The following PDE4D variants were observed in gnomAD, a reference collection of about 807,000 sequenced individuals.
PDE4D encodes the protein phosphodiesterase 4D.
PDE4D carries 24 observed loss-of-function variants against 87.4 expected under a neutral mutation model. That is an observed-to-expected ratio of 0.27 (90% CI 0.20 to 0.39). The LOEUF (loss-of-function observed/expected upper bound fraction) is 0.39, where lower values mean the gene tolerates loss of function less well. Among genes scored for constraint, PDE4D ranks in the 10% least tolerant of loss-of-function variants. The pLI is 1.00. For synonymous variants in PDE4D, 384 were observed against 383.2 expected (o/e 1.00, Z -0.02); for missense variants, 714 against 1,041.0 (o/e 0.69, Z 4.32).
chr5:59,955,098 A>G (rs1691925040), intron 3 of PDE4D, among the ~76,000 whole-genome samples: 1 of 152,202 alleles, frequency 6.6e-6, no homozygotes, highest in South Asian at 2.1e-4. Context: ...AAAGTAATCA[A>G]TGCAAGTATT....
At chr5:59,561,194 C>G (rs376371813) in intron 1 of PDE4D, among the ~76,000 whole-genome samples, 2 of 152,130 alleles carry the variant, frequency 1.3e-5, no homozygotes, top group African/African-American at 4.8e-5. Flanking sequence ...AAGGTAGACA[C>G]CTGTGGTTTA....
At chr5:59,278,660 TCAC>T (rs754308294) in intron 1 of PDE4D, among the ~76,000 whole-genome samples, 2 of 152,090 alleles carry the variant, frequency 1.3e-5, no homozygotes, top group African/African-American at 4.8e-5. Flanking sequence ...CTTAATTGAC[TCAC>T]TTTTTAAAAA....
intron 1 of PDE4D, among the ~76,000 whole-genome samples, chr5:59,710,397 T>C (rs934056255): frequency 1.3e-5 from 2 of 152,158 alleles, no homozygotes; most frequent in East Asian, 1.9e-4. Flanking sequence ...TTATCCAAAA[T>C]GTAATGTGGG....
At chr5:59,881,496 G>A (rs1395186084) in intron 1 of PDE4D, among the ~76,000 whole-genome samples, 1 of 151,998 alleles carries the variant, frequency 6.6e-6, no homozygotes, top group Non-Finnish European at 1.5e-5. Context: ...GTAAACTGAA[G>A]TGTCTTTTAC....
chr5:59,841,469 C>T (rs1288677239), intron 1 of PDE4D, among the ~76,000 whole-genome samples: 1 of 152,018 alleles, frequency 6.6e-6, no homozygotes, highest in Non-Finnish European at 1.5e-5. Context: ...TTTATATTTC[C>T]TAATGCTCAG....
At chr5:60,513,421 A>G (rs1402002776) in intron 1 of PDE4D, among the ~76,000 whole-genome samples, 1 of 152,164 alleles carries the variant, frequency 6.6e-6, no homozygotes, top group Non-Finnish European at 1.5e-5. Context: ...CTAATAACAG[A>G]GGCTTAAATT....
rs111252790 is a variant in PDE4D, at chr5:59,931,860, C to T, written c.272+56628G>A. ...AGGACTACAGGCACCTGCCACCATACCCGGCTAATTTTTTGTGATTTTAGC... is the reference window on the plus strand; with the variant it reads ...AGGACTACAGGCACCTGCCACCATATCCGGCTAATTTTTTGTGATTTTAGC... On this transcript the variant is annotated intron_variant, in intron 3 of 16. Coordinates refer to the PDE4D transcript ENST00000502484. Among the ~76,000 whole-genome samples, 740 of 152,232 alleles carry T rather than the reference C, an allele frequency of 4.9e-3. 2 individuals carry two copies. The highest frequency in any genetic ancestry group is 0.017 in the African/African-American group (715 of 41,534).
intron 2 of PDE4D, among the ~76,000 whole-genome samples, chr5:59,202,276 G>A (rs982109459): frequency 1.3e-5 from 2 of 151,962 alleles, no homozygotes; most frequent in African/African-American, 2.4e-5. Context: ...TCCTGACGTC[G>A]TGATCCACCT....
intron 1 of PDE4D, among the ~76,000 whole-genome samples, chr5:59,801,956 T>C (rs576985321): frequency 1.3e-5 from 2 of 152,226 alleles, no homozygotes; most frequent in African/African-American, 4.8e-5. Flanking sequence ...CAGTTCATTA[T>C]ATTTTCTTGT....
chr5:60,335,668 G>T (rs997404412), intron 1 of PDE4D, among the ~76,000 whole-genome samples: 1 of 152,148 alleles, frequency 6.6e-6, no homozygotes, highest in African/African-American at 2.4e-5. Context: ...CCTAAGTGGG[G>T]TAGGGTAGTC....
rs576052417 is a variant in PDE4D at position 59,879,340 on chromosome 5, C to A, written c.455+13828G>T. ...ATTTCCTCTTCTTGCTTTTCCTTACCAGCCCCATCCTCCACAGCCGGAACT... is the reference window on the plus strand; with the variant it reads ...ATTTCCTCTTCTTGCTTTTCCTTACAAGCCCCATCCTCCACAGCCGGAACT... On this transcript the variant is annotated intron_variant, in intron 1 of 14. Coordinates refer to ENST00000340635, the MANE Select transcript of PDE4D (RefSeq NM_001104631.2). Among the ~76,000 whole-genome samples, 3 of 152,260 alleles carry A rather than the reference C, an allele frequency of 2.0e-5. No individual in the cohort carries two copies. In the South Asian group the frequency reaches 6.2e-4, roughly 32 times the overall value.
chr5:59,425,148 T>C (rs899603928), intron 1 of PDE4D, among the ~76,000 whole-genome samples: 1 of 152,196 alleles, frequency 6.6e-6, no homozygotes, highest in Admixed American at 6.5e-5. Flanking sequence ...ATGCTTTATA[T>C]TATTTTAAAA....
intron 1 of PDE4D, among the ~76,000 whole-genome samples, chr5:59,459,120 T>C (rs560288488): frequency 2.0e-5 from 3 of 152,344 alleles, no homozygotes; most frequent in South Asian, 2.1e-4. Flanking sequence ...TTCAGTGTTA[T>C]CAAAGCAGAA....
chr5:59,638,070 A>G (rs1345469460), intron 1 of PDE4D, among the ~76,000 whole-genome samples: 6 of 152,234 alleles, frequency 3.9e-5, no homozygotes, highest in Non-Finnish European at 8.8e-5. Context: ...CATGCCAAAT[A>G]TATTTCATAA....
intron 5 of PDE4D, among the ~76,000 whole-genome samples, chr5:59,114,813 G>A (rs1454492099): frequency 6.6e-6 from 1 of 151,730 alleles, no homozygotes; most frequent in African/African-American, 2.4e-5. Flanking sequence ...GGAGAGCAGA[G>A]GAACTACAGC....
intron 3 of PDE4D, among the ~76,000 whole-genome samples, chr5:59,936,431 G>A (rs1756587785): frequency 6.6e-6 from 1 of 152,116 alleles, no homozygotes; most frequent in South Asian, 2.1e-4. Context: ...ATTTTAATGT[G>A]ATCCTCAGGT....
At chr5:60,381,517 G>A (rs78043964) in intron 1 of PDE4D, among the ~76,000 whole-genome samples, 56 of 152,252 alleles carry the variant, frequency 3.7e-4, no homozygotes, top group African/African-American at 1.3e-3. Context: ...GGGTGGCCTT[G>A]GGAACCCCTG....
At chr5:60,460,623 T>C in intron 1 of PDE4D, 2 of 1,226,098 alleles carry the variant, frequency 1.6e-6, no homozygotes. Context: ...CTTGCTGTTC[T>C]TTTTCTCCCT....
chr5:59,635,935 A>T (rs964077590), intron 1 of PDE4D, among the ~76,000 whole-genome samples: 7 of 152,204 alleles, frequency 4.6e-5, no homozygotes. Context: ...GGAAGAGAGG[A>T]TGTTAAATTA....
Sources: gnomAD v4.1 joint callset for allele counts (sites outside exome capture counted in the v4.1 genomes callset) on GRCh38, gnomAD v4.1.1 for gene constraint, MANE v1.5 for transcripts, NCBI Gene and HGNC (gene_info 2026-07-23, HGNC 2026-07-21) for gene names.